Variants in POU2F1 observed in about 807,000 individuals in gnomAD.
POU2F1 encodes POU domain, class 2, transcription factor 1.
POU2F1 carries 16 observed loss-of-function variants against 84.9 expected under a neutral mutation model. The observed-to-expected ratio is 0.19, with a 90% CI of 0.13 to 0.29. The LOEUF is 0.29. Among genes scored for constraint, POU2F1 ranks in the 10% least tolerant of loss-of-function variants. The pLI is 1.00. For missense variants in POU2F1, 738 were observed against 942.6 expected (o/e 0.78, Z 2.84); for synonymous variants, 368 against 368.3 (o/e 1.00, Z 0.01).
intron 1 of POU2F1, among the ~76,000 whole-genome samples, chr1:167,306,554 C>A (rs943691300): frequency 2.6e-5 from 4 of 152,032 alleles, no homozygotes; most frequent in Non-Finnish European, 5.9e-5. Flanking sequence ...TCTCATTTTT[C>A]AAATGAGAAA....
At chr1:167,332,576 G>A (rs1557901101) in intron 2 of POU2F1, 41 bp downstream of exon 2, 1 of 1,490,410 alleles carries the variant, frequency 6.7e-7, no homozygotes, top group Non-Finnish European at 9.3e-7. Flanking sequence ...AACTCTAGTA[G>A]AGCACAAAGA....
At chr1:167,414,372 C>A (rs1009649698) in intron 15 of POU2F1, 87 of 985,288 alleles carry the variant, frequency 8.8e-5, no homozygotes, top group Non-Finnish European at 1.0e-4. Flanking sequence ...AGTTTGGAAT[C>A]TCAGAAAAAC....
intron 2 of POU2F1, among the ~76,000 whole-genome samples, chr1:167,363,996 G>T (rs1659506790): frequency 6.6e-6 from 1 of 152,220 alleles, no homozygotes; most frequent in Non-Finnish European, 1.5e-5. Context: ...AGGATGGGAA[G>T]AATGGGATGT....
intron 10 of POU2F1, chr1:167,396,640 C>A: frequency 4.0e-6 from 2 of 497,228 alleles, no homozygotes; most frequent in Non-Finnish European, 3.5e-6. Context: ...AATAATTAGC[C>A]GTAATTTTTA....
chr1:167,389,885 G>A (rs1320594398), intron 9 of POU2F1, 124 bp downstream of exon 9: 8 of 1,058,410 alleles, frequency 7.6e-6, no homozygotes, highest in Non-Finnish European at 1.1e-5. Flanking sequence ...GACGGGGGAC[G>A]AAAAAGGATG....
Position 167,317,406 on chromosome 1 carries a change from C to T in POU2F1, c.62-15064C>T, listed in dbSNP as rs771040627. Among the ~76,000 whole-genome samples, 81 of 152,220 alleles carry T rather than the reference C, an allele frequency of 5.3e-4. 1 individual carries two copies. The highest frequency in any genetic ancestry group is 2.2e-3 in the Admixed American group (33 of 15,286). Reference sequence around the variant, plus strand: ...AGTCGTGGAGACCCTAACCCAGTGGCGCTAGAGGAATTAAAGACACACACA... The same window carrying T: ...AGTCGTGGAGACCCTAACCCAGTGGTGCTAGAGGAATTAAAGACACACACA... On this transcript the variant is annotated intron_variant, in intron 1 of 15. Coordinates refer to ENST00000367866, the MANE Select transcript of POU2F1 (RefSeq NM_002697.4).
chr1:167,312,600 T>C (rs969590848), intron 1 of POU2F1, among the ~76,000 whole-genome samples: 5 of 152,096 alleles, frequency 3.3e-5, no homozygotes, highest in Non-Finnish European at 7.4e-5. Context: ...GGTTAACTTA[T>C]TATTCAAGAA....
chr1:167,280,635 A>T (rs1653066434), intron 1 of POU2F1, among the ~76,000 whole-genome samples: 1 of 152,160 alleles, frequency 6.6e-6, no homozygotes, highest in African/African-American at 2.4e-5. Flanking sequence ...CTTTGTTTTG[A>T]AATGATTTTG....
intron 2 of POU2F1, 93 bp downstream of exon 2, chr1:167,332,628 AGACCAATTTG>A: frequency 2.0e-6 from 2 of 978,908 alleles, no homozygotes; most frequent in Non-Finnish European, 3.1e-6. Flanking sequence ...TGGCAAATAC[AGACCAATTTG>A]AGTATTGAGT....
At chr1:167,322,274 G>A (rs1656365766) in intron 1 of POU2F1, among the ~76,000 whole-genome samples, 1 of 152,178 alleles carries the variant, frequency 6.6e-6, no homozygotes, top group Admixed American at 6.5e-5. Context: ...ACAATCAGGA[G>A]CTATGCTATA....
At chr1:167,336,923 T>G (rs991536942) in intron 2 of POU2F1, among the ~76,000 whole-genome samples, 21 of 152,184 alleles carry the variant, frequency 1.4e-4, no homozygotes, top group African/African-American at 5.1e-4. Flanking sequence ...CCCAGCACTT[T>G]GGGAGGCCAA....
chr1:167,330,248 A>G (rs1260982825), intron 1 of POU2F1, among the ~76,000 whole-genome samples: 4 of 152,184 alleles, frequency 2.6e-5, no homozygotes, highest in Non-Finnish European at 5.9e-5. Context: ...CATTTTCTGC[A>G]CTTGAAAATT....
intron 12 of POU2F1, 121 bp downstream of exon 12, chr1:167,399,486 A>C (rs1649041037): frequency 6.8e-6 from 6 of 877,540 alleles, no homozygotes; most frequent in Non-Finnish European, 1.7e-6. Context: ...AAATAAATGC[A>C]TGTAAATTTG....
intron 1 of POU2F1, among the ~76,000 whole-genome samples, chr1:167,232,962 C>CAGT (rs1303809338): frequency 6.6e-6 from 1 of 151,706 alleles, no homozygotes. Flanking sequence ...TAGTAGTGTA[C>CAGT]AGTAATGCTG....
chr1:167,299,340 C>G (rs982787738), intron 1 of POU2F1, among the ~76,000 whole-genome samples: 1 of 151,982 alleles, frequency 6.6e-6, no homozygotes, highest in African/African-American at 2.4e-5. Flanking sequence ...AAAAATCTTA[C>G]AAGTAGTGTT....
chr1:167,243,631 A>G (rs919852826), intron 1 of POU2F1, among the ~76,000 whole-genome samples: 1 of 152,072 alleles, frequency 6.6e-6, no homozygotes, highest in Admixed American at 6.5e-5. Flanking sequence ...TTGCGCCACC[A>G]TGCCTGGCTA....
intron 6 of POU2F1, among the ~76,000 whole-genome samples, chr1:167,375,621 T>G (rs1269689638): frequency 6.6e-6 from 1 of 152,238 alleles, no homozygotes; most frequent in East Asian, 1.9e-4. Context: ...TTATAGGCCC[T>G]TTATTGATGG....
intron 5 of POU2F1, among the ~76,000 whole-genome samples, chr1:167,373,414 T>G (rs971873651): frequency 2.0e-5 from 3 of 152,210 alleles, no homozygotes; most frequent in African/African-American, 7.2e-5. Flanking sequence ...AAGAGGGAGT[T>G]GGGATTCTAG....
At chr1:167,294,172 C>CAAAAAAAA (rs60846607) in intron 1 of POU2F1, among the ~76,000 whole-genome samples, 38 of 30,948 alleles carry the variant, frequency 1.2e-3, no homozygotes, top group Non-Finnish European at 2.3e-3. Context: ...TACTAAAATA[C>CAAAAAAAA]AAAAAAAAAA....
Sources: gnomAD v4.1 joint callset for allele counts (sites outside exome capture counted in the v4.1 genomes callset) on GRCh38, gnomAD v4.1.1 for gene constraint, MANE v1.5 for transcripts, NCBI Gene and HGNC (gene_info 2026-07-23, HGNC 2026-07-21) for gene names.